ITGA9: variants seen among roughly 807,000 people sequenced by gnomAD.
The protein encoded by ITGA9 is integrin subunit alpha 9, also known as integrin alpha-9.
ITGA9 carries 56 observed loss-of-function variants against 127.8 expected under a neutral mutation model. The ratio of observed to expected loss-of-function variants is 0.44; its 90% CI spans 0.35 to 0.55. The LOEUF (loss-of-function observed/expected upper bound fraction) is 0.55, where lower values mean the gene tolerates loss of function less well. Among genes scored for constraint, ITGA9 ranks in the 20% least tolerant of loss-of-function variants. The pLI is 0.00. For missense variants in ITGA9, 1,196 were observed against 1,347.1 expected (o/e 0.89, Z 1.76); for synonymous variants, 508 against 514.5 (o/e 0.99, Z 0.17).
intron 5 of ITGA9, 59 bp downstream of exon 5, chr3:37,494,627 T>C: frequency 2.7e-6 from 4 of 1,471,460 alleles, no homozygotes; most frequent in African/African-American, 2.8e-5. Context: ...TCCTTGCTTA[T>C]ATGATTTTGG....
At chr3:37,748,591 A>G (rs1238102305) in intron 22 of ITGA9, 1 of 472,036 alleles carries the variant, frequency 2.1e-6, no homozygotes, top group African/African-American at 2.0e-5. Flanking sequence ...CTACTAAAAT[A>G]CAAAAATTAG....
At chr3:37,609,801 CA>C (rs1229824144) in intron 15 of ITGA9, among the ~76,000 whole-genome samples, 1 of 152,202 alleles carries the variant, frequency 6.6e-6, no homozygotes, top group Non-Finnish European at 1.5e-5. Context: ...ACATGCCTGT[CA>C]CCTTGGCAGC....
intron 15 of ITGA9, among the ~76,000 whole-genome samples, chr3:37,553,490 G>C (rs1699398328): frequency 6.6e-6 from 1 of 152,198 alleles, no homozygotes. Context: ...ATTAGATTCA[G>C]GATGTATATT....
chr3:37,719,772 C>A (rs1319857837), intron 18 of ITGA9, among the ~76,000 whole-genome samples: 4 of 152,160 alleles, frequency 2.6e-5, no homozygotes, highest in African/African-American at 9.7e-5. Context: ...ACTTCACTAC[C>A]CTCTCCTGGA....
intron 18 of ITGA9, among the ~76,000 whole-genome samples, chr3:37,697,985 C>T (rs1024122930): frequency 6.3e-4 from 96 of 152,356 alleles, no homozygotes; most frequent in Non-Finnish European, 1.1e-3. Flanking sequence ...TCCACATCCT[C>T]TCCAGCATCT....
At position 37,822,854 on chromosome 3, in the gene ITGA9, A is replaced by C. The variant is rs551097356; in HGVS notation, c.*3865A>C. Reference sequence around the variant, plus strand: ...TATGTCTGGGTTACGTGTGAAACGTACATCTGGTGAACTGTATACTTGGCT... The same window carrying C: ...TATGTCTGGGTTACGTGTGAAACGTCCATCTGGTGAACTGTATACTTGGCT... On this transcript the variant is annotated 3_prime_UTR_variant, in exon 28 of 28. Transcript: ENST00000264741. The C allele has an allele frequency of 6.2e-4, 95 of 152,356 alleles. 1 individual carries two copies. Among genetic ancestry groups the C allele is most frequent in the African/African-American group, 2.3e-3 (95 of 41,586 alleles). The allele number at this position is 152,356 out of a possible 1,614,324, so 9.4% of individuals were successfully genotyped here.
chr3:37,707,265 C>T (rs1701017235), intron 18 of ITGA9, among the ~76,000 whole-genome samples: 1 of 152,102 alleles, frequency 6.6e-6, no homozygotes, highest in Non-Finnish European at 1.5e-5. Flanking sequence ...CAAATATTTA[C>T]TTAAGGATTT....
chr3:37,522,311 A>G (rs1294688612), intron 11 of ITGA9, among the ~76,000 whole-genome samples: 1 of 152,182 alleles, frequency 6.6e-6, no homozygotes, highest in African/African-American at 2.4e-5. Context: ...GAAGTTCAGT[A>G]TCTTTGTGAG....
chr3:37,691,257 C>T (rs1301511397), intron 18 of ITGA9, among the ~76,000 whole-genome samples: 1 of 152,146 alleles, frequency 6.6e-6, no homozygotes, highest in Non-Finnish European at 1.5e-5. Flanking sequence ...GAGCACCTCA[C>T]TTTCTAGACT....
intron 4 of ITGA9, among the ~76,000 whole-genome samples, chr3:37,491,226 C>T (rs1314565931): frequency 2.0e-4 from 30 of 152,170 alleles, no homozygotes; most frequent in Admixed American, 1.8e-3. Context: ...ATCTGCCTGC[C>T]TCGGCCTCCC....
chr3:37,744,658 G>T (rs971946376), intron 22 of ITGA9, among the ~76,000 whole-genome samples: 2 of 152,160 alleles, frequency 1.3e-5, no homozygotes, highest in Admixed American at 1.3e-4. Flanking sequence ...CTTAGTTGGG[G>T]GTCAGCAAAC....
chr3:37,777,442 C>T lies in ITGA9; in HGVS notation c.2592C>T (p.Cys864=). The T allele has an allele frequency of 6.2e-7, 1 of 1,614,006 alleles. No individual in the cohort carries two copies. The highest frequency in any genetic ancestry group is 8.5e-7 in the Non-Finnish European group (1 of 1,179,864). Residue 864 remains cysteine, a synonymous_variant, in exon 24 of 28, where the codon TGC becomes TGT. Transcript: ENST00000264741. ...NCSFQKNPTP[C]IIPQEQENIF... ...CTTTCCAGAAAAACCCAACTCCCTG[C>T]ATCATCCCTCAAGAACAAGAAAATA...
chr3:37,587,006 A>G (rs1264928224), intron 15 of ITGA9, among the ~76,000 whole-genome samples: 1 of 152,174 alleles, frequency 6.6e-6, no homozygotes, highest in Non-Finnish European at 1.5e-5. Flanking sequence ...CACATGTTTT[A>G]GTGTTGGCAT....
intron 17 of ITGA9, among the ~76,000 whole-genome samples, chr3:37,683,371 A>G (rs933493205): frequency 7.2e-5 from 11 of 152,258 alleles, no homozygotes; most frequent in African/African-American, 2.4e-4. Context: ...GGCATGTTCT[A>G]TCTTCCTTAC....
chr3:37,802,053 A>G (rs1003290944), intron 26 of ITGA9, among the ~76,000 whole-genome samples: 1 of 152,170 alleles, frequency 6.6e-6, no homozygotes, highest in African/African-American at 2.4e-5. Flanking sequence ...TGGTGATGAC[A>G]AGCTCAGATT....
At chr3:37,476,797 A>G (rs897615957) in intron 3 of ITGA9, among the ~76,000 whole-genome samples, 3 of 152,162 alleles carry the variant, frequency 2.0e-5, no homozygotes, top group Non-Finnish European at 2.9e-5. Context: ...TTGTGGCCAT[A>G]TGTCCCCTTT....
intron 18 of ITGA9, among the ~76,000 whole-genome samples, chr3:37,687,315 T>G (rs989567991): frequency 6.6e-5 from 10 of 152,118 alleles, no homozygotes; most frequent in African/African-American, 2.4e-4. Context: ...AACAGAAAAT[T>G]GATTTAATGA....
intron 15 of ITGA9, among the ~76,000 whole-genome samples, chr3:37,587,347 C>T (rs569201370): frequency 4.1e-4 from 62 of 152,316 alleles, no homozygotes; most frequent in African/African-American, 8.9e-4. Flanking sequence ...CAGTTAAGTT[C>T]AGGTCCTAAC....
intron 16 of ITGA9, among the ~76,000 whole-genome samples, chr3:37,638,204 G>A (rs904849131): frequency 6.6e-6 from 1 of 152,072 alleles, no homozygotes; most frequent in African/African-American, 2.4e-5. Context: ...CTAGAGATAT[G>A]GAAATAATCA....
Sources: gnomAD v4.1 joint callset for allele counts (sites outside exome capture counted in the v4.1 genomes callset) on GRCh38, gnomAD v4.1.1 for gene constraint, MANE v1.5 for transcripts, NCBI Gene and HGNC (gene_info 2026-07-23, HGNC 2026-07-21) for gene names.